The following ZWINT variants were observed in gnomAD, a reference collection of about 807,000 sequenced individuals.
ZWINT encodes ZW10 interacting kinetochore protein.
A neutral mutation model predicts 41.5 loss-of-function variants in ZWINT; 41 were observed. The ratio of observed to expected loss-of-function variants is 0.99; its 90% confidence interval spans 0.77 to 1.28. The LOEUF (loss-of-function observed/expected upper bound fraction) is 1.28, where lower values mean the gene tolerates loss of function less well. Among genes scored for constraint, ZWINT ranks in the 50% most tolerant of loss-of-function variants. ZWINT has a pLI of 0.00. For missense variants in ZWINT, 369 were observed against 329.7 expected (o/e 1.12, Z -0.92); for synonymous variants, 132 against 126.8 (o/e 1.04, Z -0.28).
chr10:56,360,001 A>G lies in ZWINT; in HGVS notation c.256+17T>C, dbSNP rs371272131. 2 of 1,613,212 alleles carry G rather than the reference A, an allele frequency of 1.2e-6. No homozygotes were observed. Among genetic ancestry groups the G allele is most frequent in the African/African-American group, 1.3e-5 (1 of 74,834 alleles). ...CCCACTCAGGTCAGCTGCTACTACA[A>G]TCCCCTGCCTACTCACGGCTCGTGT... On this transcript the variant is annotated intron_variant, in intron 3 of 8. Transcript: ENST00000373944.
Position 56,361,246 on chromosome 10 carries a change from C to G in ZWINT, c.-10G>C, listed in dbSNP as rs74914955. On this transcript the variant is annotated 5_prime_UTR_variant, in exon 1 of 9. Transcript: ENST00000373944. ...TCTCCGCTGCCTCCATCTTTCCAGGCGCCGAGTTCAGCTGCCTTCCCACAA... is the reference window on the plus strand; with the variant it reads ...TCTCCGCTGCCTCCATCTTTCCAGGGGCCGAGTTCAGCTGCCTTCCCACAA... 1.8e-5 allele frequency: 29 copies of G among 1,611,444 alleles called. No individual in the cohort carries two copies. In the African/African-American group the frequency reaches 3.2e-4, roughly 18 times the overall value.
At chr10:56,359,269 C>A (rs763844460) in intron 5 of ZWINT, among the ~76,000 whole-genome samples, 1 of 152,122 alleles carries the variant, frequency 6.6e-6, no homozygotes, top group African/African-American at 2.4e-5. Context: ...GGTATTATTG[C>A]CTTCATTTTA....
chr10:56,359,902 G>C, intron 3 of ZWINT, 49 bp from the exon 4 acceptor site: 1 of 1,607,320 alleles, frequency 6.2e-7, no homozygotes, highest in Non-Finnish European at 8.5e-7. Flanking sequence ...TGGCCTGCTA[G>C]CCTGCCTCCC....
At chr10:56,360,726 G>A (rs188096764) in intron 1 of ZWINT, among the ~76,000 whole-genome samples, 45 of 152,324 alleles carry the variant, frequency 3.0e-4, no homozygotes, top group African/African-American at 1.0e-3. Context: ...TGCAAGGAAG[G>A]GGAAGAATGC....
In ZWINT at chr10:56,358,814, T is replaced by C; in HGVS notation, c.614A>G (p.Lys205Arg). The change falls in exon 6 of 9, where the codon AAG (lysine) becomes AGG (arginine). Residue 205 changes from lysine (K) to arginine (R), a missense_variant. Physicochemically the swap from Lys to Arg is conservative, Grantham distance 26. Transcript: ENST00000373944. ...LKQQAEQERDKLQRYQTFLQL... is the reference protein window; with the variant it reads ...LKQQAEQERDRLQRYQTFLQL... The stretch of plus-strand genomic sequence containing the variant: ...ATGCTCCCGAACTTACCTCTGCAGC[T>C]TGTCCCGCTCCTGTTCTGCCTGCTG... The C allele has an allele frequency of 6.2e-7, 1 of 1,614,100 alleles. No individual in the cohort carries two copies. The highest frequency in any genetic ancestry group is 8.5e-7 in the Non-Finnish European group (1 of 1,180,034).
At chr10:56,358,995 T>C in intron 5 of ZWINT, 48 bp from the exon 6 acceptor site, 1 of 1,602,328 alleles carries the variant, frequency 6.2e-7, no homozygotes, top group Non-Finnish European at 8.5e-7. Context: ...GTTGAAGTCT[T>C]AGAAACTCCC....
intron 1 of ZWINT, 43 bp from the exon 2 acceptor site, chr10:56,360,426 T>G (rs1319220676): frequency 3.2e-6 from 5 of 1,542,696 alleles, no homozygotes; most frequent in Non-Finnish European, 4.5e-6. Context: ...TTTCTTGTGG[T>G]GCTAGTTCTA....
chr10:56,359,856 G>C lies in ZWINT; in HGVS notation c.257-3C>G. ...CTTAGCTGCAATTGCCTTCTGTCCT[G>C]AGATGAGCCACCAGGAATGAGTACA... On this transcript the variant is annotated splice_polypyrimidine_tract_variant and splice_region_variant and intron_variant, in intron 3 of 8. Transcript: ENST00000373944. The C allele has an allele frequency of 6.2e-7, 1 of 1,614,018 alleles. No homozygotes were observed. Among genetic ancestry groups the C allele is most frequent in the Non-Finnish European group, 8.5e-7 (1 of 1,179,990 alleles).
At position 56,359,774 on chromosome 10, in the gene ZWINT, A is replaced by C. The variant is rs746386971; in HGVS notation, c.336T>G (p.Ile112Met). The C allele has an allele frequency of 6.2e-7, 1 of 1,614,042 alleles. No individual in the cohort carries two copies. The highest frequency in any genetic ancestry group is 1.1e-5 in the South Asian group (1 of 91,078). The change falls in exon 4 of 9, where the codon ATT becomes ATG. Residue 112 changes from isoleucine to methionine, a missense_variant. Physicochemically the swap from Ile to Met is conservative, Grantham distance 10. Coordinates refer to ENST00000373944, the MANE Select transcript of ZWINT (RefSeq NM_007057.4). ...TCTGAGTCAGGGCCTTGGTGAGGCC[A>C]ATTTTGATGGCCTCTACGTGCTCCC... Reference protein sequence around the residue: ...TYREHVEAIKIGLTKALTQME... With the variant: ...TYREHVEAIKMGLTKALTQME...
Position 56,360,385 on chromosome 10 carries a change from T to C in ZWINT, c.42-2A>G, listed in dbSNP as rs1838299256. The C allele has an allele frequency of 6.2e-7, 1 of 1,613,630 alleles. No individual in the cohort carries two copies. The highest frequency in any genetic ancestry group is 1.7e-5 in the Admixed American group (1 of 59,934). On this transcript the variant is annotated splice_acceptor_variant, in intron 1 of 8. Transcript: ENST00000373944. LOFTEE classifies it high-confidence loss of function. ...ATGCCTGCCACCTCAGCCAGGACCC[T>C]GGAGGGGCAAGGAAACACAGGAAAT...
In ZWINT at chr10:56,359,697, A is replaced by G. The variant is rs750289384; in HGVS notation, c.413T>C (p.Leu138Pro). ...GACCCCTGGGTGTACCTTGGCCTGGAGCTGCTCAAAGGCTTCCCGGAGTTG... is the reference window on the plus strand; with the variant it reads ...GACCCCTGGGTGTACCTTGGCCTGGGGCTGCTCAAAGGCTTCCCGGAGTTG... ...RTQLREAFEQ[L>P]QAKKQMAMEK... The change falls in exon 4 of 9, where the codon CTC becomes CCC. Residue 138 changes from leucine (L) to proline (P), a missense_variant. Coordinates refer to ENST00000373944, the MANE Select transcript of ZWINT (RefSeq NM_007057.4). 13 of 1,613,880 alleles carry G rather than the reference A, an allele frequency of 8.1e-6. No homozygotes were observed. The highest frequency in any genetic ancestry group is 1.1e-5 in the Non-Finnish European group (13 of 1,179,996).
At chr10:56,359,439 G>A in intron 5 of ZWINT, 37 bp downstream of exon 5, 1 of 1,503,544 alleles carries the variant, frequency 6.7e-7, no homozygotes, top group Non-Finnish European at 8.9e-7. Flanking sequence ...ATGGCATGGT[G>A]GTGGGAAGGG....
intron 5 of ZWINT, 71 bp downstream of exon 5, chr10:56,359,405 T>G: frequency 7.0e-7 from 1 of 1,437,270 alleles, no homozygotes; most frequent in South Asian, 1.6e-5. Context: ...AACGGTTTTC[T>G]AGACAGGGGA....
Position 56,360,102 on chromosome 10 carries a change from G to A in ZWINT, c.172C>T (p.Gln58Ter). Residue 58 changes from glutamine (Q) to a stop codon, truncating the protein, a stop_gained, in exon 3 of 9, where the codon CAG becomes TAG. Transcript: ENST00000373944. LOFTEE classifies it high-confidence loss of function. ...ATGTTCTGCAGGAAATCCGCTACCT[G>A]AAGCTGGCTGCAGAGCAGCTTGTCT... ...KKDKLLCSQL[Q>*]VADFLQNILA... 6.2e-7 allele frequency: 1 copy of A among 1,614,124 alleles called. No homozygotes were observed. Among genetic ancestry groups the A allele is most frequent in the African/African-American group, 1.3e-5 (1 of 75,044 alleles).
intron 8 of ZWINT, 21 bp from the exon 9 acceptor site, chr10:56,358,206 T>A: frequency 1.3e-6 from 1 of 776,452 alleles, no homozygotes; most frequent in East Asian, 2.5e-5. Flanking sequence ...AGACAGGGGT[T>A]AGCTCTGGGT....
intron 1 of ZWINT, 106 bp from the exon 2 acceptor site, chr10:56,360,489 T>A: frequency 2.2e-6 from 2 of 925,274 alleles, no homozygotes; most frequent in Non-Finnish European, 3.3e-6. Flanking sequence ...GTATATATAG[T>A]ATTGAGAGTC....
rs777825623 is a variant in ZWINT, at chr10:56,360,154, AG to A, written c.133-14del. 1 of 1,613,680 alleles carries A rather than the reference AG, an allele frequency of 6.2e-7. No homozygotes were observed. Among genetic ancestry groups the A allele is most frequent in the Non-Finnish European group, 8.5e-7 (1 of 1,179,998 alleles). On this transcript the variant is annotated splice_polypyrimidine_tract_variant and intron_variant, in intron 2 of 8. Transcript: ENST00000373944. ...TCTTCTGAGAGTCCTGCTCAGAGGGAGGGCAGAGACAGGGAACATCCTTACC... is the reference window on the plus strand; with the variant it reads ...TCTTCTGAGAGTCCTGCTCAGAGGGAGGCAGAGACAGGGAACATCCTTACC...
chr10:56,358,565 C>T lies in ZWINT; in HGVS notation c.783G>A (p.Val261=), dbSNP rs1412869919. The stretch of plus-strand genomic sequence containing the variant: ...TCCATCTCTCATTTACCTTGAAGGA[C>T]ACACCAGGGTCTCTCCCCATGGTGT... ...TGDTMGRDPG[V]SFKAVGLQPA... The change falls in exon 7 of 9, where the codon GTG becomes GTA. Residue 261 remains valine (V), a synonymous_variant. Coordinates refer to ENST00000373944, the MANE Select transcript of ZWINT (RefSeq NM_007057.4). The T allele has an allele frequency of 1.9e-6, 3 of 1,614,008 alleles. No individual in the cohort carries two copies. The highest frequency in any genetic ancestry group is 2.5e-6 in the Non-Finnish European group (3 of 1,179,946).
Position 56,360,074 on chromosome 10 carries a change from A to G in ZWINT, c.200T>C (p.Leu67Pro), listed in dbSNP as rs781196004. The change falls in exon 3 of 9, where the codon CTG (leucine) becomes CCG (proline). Residue 67 changes from leucine (L) to proline (P), a missense_variant. Coordinates refer to ENST00000373944, the MANE Select transcript of ZWINT (RefSeq NM_007057.4). ...LQVADFLQNILAQEDTAKGLD... is the reference protein window; with the variant it reads ...LQVADFLQNIPAQEDTAKGLD... ...ACCCTTAGCAGTGTCCTCCTGAGCCAGGATGTTCTGCAGGAAATCCGCTAC... is the reference window on the plus strand; with the variant it reads ...ACCCTTAGCAGTGTCCTCCTGAGCCGGGATGTTCTGCAGGAAATCCGCTAC... The G allele has an allele frequency of 1.2e-6, 2 of 1,614,190 alleles. No individual in the cohort carries two copies. The highest frequency in any genetic ancestry group is 3.3e-5 in the Admixed American group (2 of 60,028).
Sources: gnomAD v4.1 joint callset for allele counts (sites outside exome capture counted in the v4.1 genomes callset) on GRCh38, gnomAD v4.1.1 for gene constraint, MANE v1.5 for transcripts, NCBI Gene and HGNC (gene_info 2026-07-23, HGNC 2026-07-21) for gene names.